COL19A1: variants seen among roughly 807,000 people sequenced by gnomAD.
The protein encoded by COL19A1 is collagen alpha-1(XIX) chain.
Under a neutral mutation model 190.2 loss-of-function variants are expected in COL19A1, and 159 were observed. The ratio of observed to expected loss-of-function variants is 0.84; its 90% confidence interval spans 0.73 to 0.95. COL19A1 has a LOEUF of 0.95. Among genes scored for constraint, COL19A1 ranks in the 40% least tolerant of loss-of-function variants. The probability of loss-of-function intolerance (pLI) is 0.00; values close to 1 mark genes in which losing one functional copy is unlikely to be tolerated. For synonymous variants in COL19A1, 509 were observed against 458.9 expected (o/e 1.11, Z -1.39); for missense variants, 1,418 against 1,431.9 (o/e 0.99, Z 0.16).
chr6:70,183,181 G>T (rs1766290331), intron 44 of COL19A1, among the ~76,000 whole-genome samples: 1 of 152,134 alleles, frequency 6.6e-6, no homozygotes. Flanking sequence ...CTTGCCATCT[G>T]CTGTTGAACA....
chr6:69,955,612 A>G (rs1054469299), intron 9 of COL19A1, among the ~76,000 whole-genome samples: 10 of 150,230 alleles, frequency 6.7e-5, no homozygotes, highest in Admixed American at 2.0e-4. Flanking sequence ...TCTGTATTCT[A>G]TGTGAGTAAG....
rs1304085171 is a variant in COL19A1 at position 70,209,319 on chromosome 6, GTTGT to G, written c.*2048_*2051del. 2.0e-4 allele frequency: 31 copies of G among 152,296 alleles called. No individual in the cohort carries two copies. Among genetic ancestry groups the G allele is most frequent in the South Asian group, 1.9e-3 (9 of 4,808 alleles). 9.4% of individuals were successfully genotyped at this position (152,296 alleles called of 1,614,324 possible). A position where few individuals can be genotyped will look rare whatever the true frequency, so the allele number is the denominator to read the frequency against. On this transcript the variant is annotated 3_prime_UTR_variant, in exon 51 of 51. Transcript: ENST00000620364. ...AAAGATTATTTTTTCATATTAATAG[GTTGT>G]TTATCTTTTTGCCTGTTTGCTAATT...
At chr6:70,164,328 G>A (rs1787996782) in intron 36 of COL19A1, among the ~76,000 whole-genome samples, 3 of 152,092 alleles carry the variant, frequency 2.0e-5, no homozygotes, top group Admixed American at 2.0e-4. Context: ...CAAGTAAGTG[G>A]AATAAGCCTA....
chr6:70,161,343 G>A (rs1287059240), intron 34 of COL19A1, among the ~76,000 whole-genome samples: 1 of 152,112 alleles, frequency 6.6e-6, no homozygotes, highest in South Asian at 2.1e-4. Context: ...TTACCAGTAC[G>A]AGATTCTTAG....
intron 2 of COL19A1, among the ~76,000 whole-genome samples, chr6:69,887,224 T>C (rs993186899): frequency 2.6e-5 from 4 of 152,210 alleles, no homozygotes; most frequent in African/African-American, 9.6e-5. Context: ...TCTTGAGACT[T>C]GTTTTGCTAA....
intron 15 of COL19A1, among the ~76,000 whole-genome samples, chr6:70,087,060 T>C (rs991619447): frequency 6.6e-6 from 1 of 152,154 alleles, no homozygotes; most frequent in African/African-American, 2.4e-5. Context: ...TGCCTTTGGG[T>C]GCTTACAATA....
chr6:69,938,220 A>G, intron 9 of COL19A1, 120 bp downstream of exon 9: 2 of 923,320 alleles, frequency 2.2e-6, no homozygotes, highest in Non-Finnish European at 1.6e-6. Context: ...AAGGCTATCA[A>G]AGACTATATT....
intron 4 of COL19A1, among the ~76,000 whole-genome samples, chr6:69,917,534 C>T (rs79032234): frequency 0.036 from 5,417 of 152,166 alleles, 346 homozygotes; most frequent in African/African-American, 0.12. Context: ...TTGTGGAAAT[C>T]ACATTCCACA....
intron 49 of COL19A1, among the ~76,000 whole-genome samples, chr6:70,201,149 G>A (rs16868655): frequency 0.018 from 2,668 of 152,262 alleles, 83 homozygotes; most frequent in African/African-American, 0.06. Context: ...AATAAGCAGC[G>A]TTAACACCAA....
intron 46 of COL19A1, among the ~76,000 whole-genome samples, chr6:70,186,649 T>A (rs1387621664): frequency 1.3e-5 from 2 of 152,134 alleles, no homozygotes; most frequent in African/African-American, 2.4e-5. Context: ...GGTGTGAGGA[T>A]CACTTCCTGG....
intron 4 of COL19A1, among the ~76,000 whole-genome samples, chr6:69,915,227 T>C (rs533022610): frequency 1.1e-3 from 171 of 152,342 alleles, no homozygotes; most frequent in Admixed American, 2.0e-3. Flanking sequence ...TTCATTATTG[T>C]CTTTAAGTTT....
intron 11 of COL19A1, among the ~76,000 whole-genome samples, chr6:70,016,525 A>C (rs1778117676): frequency 6.7e-6 from 1 of 150,106 alleles, no homozygotes; most frequent in Non-Finnish European, 1.5e-5. Context: ...AACTTATTGT[A>C]TGCTGGTTAC....
intron 2 of COL19A1, among the ~76,000 whole-genome samples, chr6:69,886,265 T>C (rs1411131889): frequency 2.0e-5 from 3 of 152,108 alleles, no homozygotes; most frequent in African/African-American, 4.8e-5. Flanking sequence ...AAATGCAAAT[T>C]AAACCACCAT....
intron 11 of COL19A1, among the ~76,000 whole-genome samples, chr6:69,980,529 G>C (rs145589522): frequency 1.1e-4 from 16 of 152,214 alleles, no homozygotes; most frequent in Admixed American, 8.5e-4. Context: ...TAAAGTAAAA[G>C]ATAGACATAT....
At chr6:70,039,662 G>A (rs1251166267) in intron 14 of COL19A1, among the ~76,000 whole-genome samples, 1 of 151,780 alleles carries the variant, frequency 6.6e-6, no homozygotes, top group African/African-American at 2.4e-5. Flanking sequence ...TTCATATTTT[G>A]TTTAATAAGA....
At chr6:70,090,259 G>A (rs1464670277) in intron 15 of COL19A1, among the ~76,000 whole-genome samples, 4 of 152,194 alleles carry the variant, frequency 2.6e-5, no homozygotes, top group East Asian at 3.9e-4. Flanking sequence ...TTTTACATCC[G>A]TGGATTCAAC....
intron 12 of COL19A1, among the ~76,000 whole-genome samples, chr6:70,026,897 T>A (rs1778757080): frequency 6.6e-6 from 1 of 152,214 alleles, no homozygotes; most frequent in South Asian, 2.1e-4. Flanking sequence ...CTGAAAAGTC[T>A]GATCTTCCCA....
At position 70,156,199 on chromosome 6, in the gene COL19A1, G is replaced by A; in HGVS notation, c.2152G>A (p.Glu718Lys). Residue 718 changes from glutamate (E) to lysine (K), a missense_variant, in exon 32 of 51, where the codon GAG (glutamate) becomes AAG (lysine). Coordinates refer to ENST00000620364, the MANE Select transcript of COL19A1 (RefSeq NM_001858.6). ...SNKGEEGGAG[E>K]PGKYDSMARK... Reference sequence around the variant, plus strand: ...CAAAGGAGAAGAAGGAGGTGCTGGTGAGCCTGGAAAGTATGATTCCATGGC... The same window carrying A: ...CAAAGGAGAAGAAGGAGGTGCTGGTAAGCCTGGAAAGTATGATTCCATGGC... 6.2e-7 allele frequency: 1 copy of A among 1,613,358 alleles called. No individual in the cohort carries two copies. The highest frequency in any genetic ancestry group is 2.2e-5 in the East Asian group (1 of 44,812).
At position 70,149,710 on chromosome 6, in the gene COL19A1, C is replaced by G; in HGVS notation, c.1900C>G (p.Gln634Glu). The G allele has an allele frequency of 6.2e-7, 1 of 1,613,496 alleles. No individual in the cohort carries two copies. Among genetic ancestry groups the G allele is most frequent in the Non-Finnish European group, 8.5e-7 (1 of 1,179,728 alleles). ...AAATCTCATTTGTACTCAGGGCGCCCAAGGACCAGCTGGAGAGCCAGGTAT... is the reference window on the plus strand; with the variant it reads ...AAATCTCATTTGTACTCAGGGCGCCGAAGGACCAGCTGGAGAGCCAGGTAT... ...GIGIPGRTGA[Q>E]GPAGEPGIQG... Residue 634 changes from glutamine to glutamate, a missense_variant, in exon 28 of 51, where the codon CAA becomes GAA. Coordinates refer to ENST00000620364, the MANE Select transcript of COL19A1 (RefSeq NM_001858.6).
Sources: allele counts gnomAD v4.1 joint callset (sites outside exome capture counted in the v4.1 genomes callset), GRCh38; gene constraint gnomAD v4.1.1; transcripts MANE v1.5; gene names NCBI Gene and HGNC (gene_info 2026-07-23, HGNC 2026-07-21).